Variants in NAV2 observed in about 807,000 individuals in gnomAD.
The protein encoded by NAV2 is neuron navigator 2.
NAV2 carries 54 observed loss-of-function variants against 223.2 expected under a neutral mutation model. The observed-to-expected ratio is 0.24, with a 90% CI of 0.19 to 0.30. The LOEUF (loss-of-function observed/expected upper bound fraction) is 0.30, where lower values mean the gene tolerates loss of function less well. Ranked by LOEUF, NAV2 falls within the 10% of genes least tolerant of loss-of-function variation. NAV2 has a pLI of 1.00. For synonymous variants in NAV2, 1,279 were observed against 1,239.3 expected, an observed-to-expected ratio of 1.03 and a Z score of -0.67; for missense variants, 2,806 against 3,147.5, an observed-to-expected ratio of 0.89 and a Z score of 2.60.
At chr11:20,041,782 C>T (rs755225813) in intron 12 of NAV2, among the ~76,000 whole-genome samples, 5 of 152,090 alleles carry the variant, frequency 3.3e-5, no homozygotes, top group Admixed American at 6.5e-5. Flanking sequence ...CATGTGGTTC[C>T]CTCTCCCTGG....
chr11:19,719,927 C>T (rs560495843), intron 1 of NAV2, among the ~76,000 whole-genome samples: 23 of 152,344 alleles, frequency 1.5e-4, no homozygotes, highest in African/African-American at 5.1e-4. Context: ...TGAACTGGCA[C>T]TGTAGAGGTG....
rs184320259 is a variant in NAV2 at position 19,644,312 on chromosome 11, T to C, written c.76-188172T>C. Among the ~76,000 whole-genome samples the C allele has an allele frequency of 4.6e-5, 7 of 152,360 alleles. No homozygotes were observed. In the East Asian group the frequency reaches 1.3e-3, roughly 29 times the overall value. ...TCCTTGTGTATAGCCCCTCTGGATG[T>C]ACAAGTAAAAGAAAAATGTCTCTAT... On this transcript the variant is annotated intron_variant, in intron 1 of 37. Coordinates refer to the NAV2 transcript ENST00000360655.
At chr11:20,101,484 A>G (rs1363612019) in intron 32 of NAV2, among the ~76,000 whole-genome samples, 3 of 152,212 alleles carry the variant, frequency 2.0e-5, no homozygotes, top group African/African-American at 7.2e-5. Flanking sequence ...TATTTTGTGG[A>G]ACAACGATAA....
At chr11:19,476,344 A>G (rs1014528579) in intron 1 of NAV2, among the ~76,000 whole-genome samples, 2 of 152,162 alleles carry the variant, frequency 1.3e-5, no homozygotes, top group Non-Finnish European at 2.9e-5. Flanking sequence ...AAGATGTAAG[A>G]TAATGCAAGC....
chr11:19,740,685 T>C (rs889080909), intron 1 of NAV2, among the ~76,000 whole-genome samples: 3 of 152,234 alleles, frequency 2.0e-5, no homozygotes, highest in Admixed American at 6.5e-5. Flanking sequence ...CAATACTTCC[T>C]TTGGTAGCCC....
At chr11:19,668,079 G>T (rs1441760871) in intron 1 of NAV2, among the ~76,000 whole-genome samples, 1 of 152,152 alleles carries the variant, frequency 6.6e-6, no homozygotes, top group South Asian at 2.1e-4. Flanking sequence ...TCAAGAGGAC[G>T]ACACTGGCAG....
chr11:19,924,777 G>A (rs1282794157), intron 6 of NAV2, among the ~76,000 whole-genome samples: 1 of 152,164 alleles, frequency 6.6e-6, no homozygotes, highest in Non-Finnish European at 1.5e-5. Context: ...GGACAAGTCA[G>A]GAGCACCTGA....
At chr11:20,043,173 A>G (rs1361510280) in intron 12 of NAV2, among the ~76,000 whole-genome samples, 3 of 152,002 alleles carry the variant, frequency 2.0e-5, no homozygotes, top group East Asian at 3.9e-4. Context: ...ACCAGCAGCC[A>G]CCCTTGCTCC....
At chr11:19,453,891 C>T (rs752066696) in intron 1 of NAV2, among the ~76,000 whole-genome samples, 19 of 152,180 alleles carry the variant, frequency 1.2e-4, no homozygotes, top group Non-Finnish European at 5.9e-5. Context: ...ACTATTGTGC[C>T]TTAATTGAAT....
chr11:19,442,902 G>T (rs1004695972), intron 1 of NAV2, among the ~76,000 whole-genome samples: 1 of 152,146 alleles, frequency 6.6e-6, no homozygotes, highest in African/African-American at 2.4e-5. Context: ...TTTAATTTCA[G>T]CTGCCCCTTC....
At chr11:19,450,848 C>T (rs1851765789) in intron 1 of NAV2, among the ~76,000 whole-genome samples, 1 of 152,136 alleles carries the variant, frequency 6.6e-6, no homozygotes, top group Non-Finnish European at 1.5e-5. Context: ...CAGGCTTGTG[C>T]TTGGTGTTTC....
At chr11:19,457,259 A>G (rs538535582) in intron 1 of NAV2, among the ~76,000 whole-genome samples, 1 of 152,350 alleles carries the variant, frequency 6.6e-6, no homozygotes, top group Non-Finnish European at 1.5e-5. Flanking sequence ...AAAATAGAGT[A>G]ATGTGAGAGG....
intron 1 of NAV2, among the ~76,000 whole-genome samples, chr11:19,796,553 T>C (rs979926224): frequency 6.6e-6 from 1 of 152,182 alleles, no homozygotes; most frequent in African/African-American, 2.4e-5. Flanking sequence ...TCTTCCTCCC[T>C]GACAAGGTCA....
Position 19,426,643 on chromosome 11 carries a change from G to A in NAV2, c.75+75616G>A, listed in dbSNP as rs184431065. Among the ~76,000 whole-genome samples, 275 of 152,240 alleles carry A rather than the reference G, an allele frequency of 1.8e-3. 1 individual carries two copies. Among genetic ancestry groups the A allele is most frequent in the African/African-American group, 6.0e-3 (248 of 41,526 alleles). On this transcript the variant is annotated intron_variant, in intron 1 of 37. Coordinates refer to the NAV2 transcript ENST00000360655. ...GGTTCAGGGAGAGGGAAACCAAATAGGCCATAGCCATTGAGAACCTCTTTT... is the reference window on the plus strand; with the variant it reads ...GGTTCAGGGAGAGGGAAACCAAATAAGCCATAGCCATTGAGAACCTCTTTT...
At chr11:19,376,064 G>A (rs575088961) in intron 1 of NAV2, among the ~76,000 whole-genome samples, 62 of 152,258 alleles carry the variant, frequency 4.1e-4, no homozygotes, top group African/African-American at 1.5e-3. Context: ...TCTTTCCAAT[G>A]GGAAGTAACA....
In NAV2 at chr11:19,909,471, C is replaced by A. The variant is rs372658433; in HGVS notation, c.931+16877C>A. Among the ~76,000 whole-genome samples the A allele has an allele frequency of 1.1e-4, 16 of 152,286 alleles. No individual in the cohort carries two copies. In the South Asian group the frequency reaches 3.1e-3, roughly 30 times the overall value. On this transcript the variant is annotated intron_variant, in intron 6 of 37. Coordinates refer to ENST00000349880, the MANE Select transcript of NAV2 (RefSeq NM_145117.5). ...AGACGTTTATCTTTCTGCCTCTGAT[C>A]CAGATAAAAACAGATTGTAACTTTG...
At chr11:19,834,747 G>A (rs1036918685) in intron 2 of NAV2, among the ~76,000 whole-genome samples, 2 of 152,160 alleles carry the variant, frequency 1.3e-5, no homozygotes, top group African/African-American at 4.8e-5. Context: ...AATATAAAAA[G>A]GATCATACTG....
At chr11:20,007,931 C>CA (rs1401453819) in intron 11 of NAV2, among the ~76,000 whole-genome samples, 1 of 152,126 alleles carries the variant, frequency 6.6e-6, no homozygotes, top group Admixed American at 6.5e-5. Context: ...TTCACAAAAA[C>CA]AAAAAATATT....
At chr11:19,985,737 C>T (rs947613397) in intron 11 of NAV2, among the ~76,000 whole-genome samples, 1 of 152,004 alleles carries the variant, frequency 6.6e-6, no homozygotes, top group Admixed American at 6.6e-5. Context: ...CCAGCATGCC[C>T]AGCTAATTTT....
Sources: gnomAD v4.1 joint callset for allele counts (sites outside exome capture counted in the v4.1 genomes callset) on GRCh38, gnomAD v4.1.1 for gene constraint, MANE v1.5 for transcripts, NCBI Gene and HGNC (gene_info 2026-07-23, HGNC 2026-07-21) for gene names.